Variants in SERPINA4 observed in about 807,000 individuals in gnomAD.
SERPINA4 encodes the protein serpin family A member 4, also known as kallistatin.
Under a neutral mutation model 25.4 loss-of-function variants are expected in SERPINA4, and 24 were observed. The observed-to-expected ratio is 0.95, with a 90% confidence interval of 0.69 to 1.33. The LOEUF (loss-of-function observed/expected upper bound fraction) is 1.33, where lower values mean the gene tolerates loss of function less well. Ranked by LOEUF, SERPINA4 falls within the 40% of genes most tolerant of loss-of-function variation. The pLI is 0.00. For synonymous variants in SERPINA4, 242 were observed against 223.6 expected (o/e 1.08, Z -0.73); for missense variants, 553 against 535.8 (o/e 1.03, Z -0.32).
chr14:94,564,132 G>T lies in SERPINA4; in HGVS notation c.649+1G>T. 6.3e-7 allele frequency: 1 copy of T among 1,599,712 alleles called. No individual in the cohort carries two copies. Among genetic ancestry groups the T allele is most frequent in the Non-Finnish European group, 8.5e-7 (1 of 1,179,734 alleles). ...CTGGTGAATTACATTTACTTCAAAGGTGAGAGTCAGATCATTGGTATATGC... is the reference window on the plus strand; with the variant it reads ...CTGGTGAATTACATTTACTTCAAAGTTGAGAGTCAGATCATTGGTATATGC... On this transcript the variant is annotated splice_donor_variant, in intron 2 of 4. Transcript: ENST00000557004. LOFTEE classifies it high-confidence loss of function.
chr14:94,564,223 G>A lies in SERPINA4; in HGVS notation c.649+92G>A, dbSNP rs888023939. ...TGGTTAAATATATTTTTACAAAAAT[G>A]TAAGTAAAAACGTTGTGTCTGATAG... On this transcript the variant is annotated intron_variant, in intron 2 of 4. Coordinates refer to ENST00000557004, the MANE Select transcript of SERPINA4 (RefSeq NM_006215.4). 5 of 1,368,958 alleles carry A rather than the reference G, an allele frequency of 3.7e-6. No homozygotes were observed. In the Admixed American group the frequency reaches 9.1e-5, roughly 25 times the overall value. The allele number at this position is 1,368,958 out of a possible 1,614,324, so 84.8% of individuals were successfully genotyped here.
chr14:94,567,462 G>A (rs1041908181), intron 3 of SERPINA4, among the ~76,000 whole-genome samples: 5 of 152,150 alleles, frequency 3.3e-5, no homozygotes, highest in Admixed American at 2.6e-4. Context: ...CACAGTAGGA[G>A]TTCAGAGTCC....
chr14:94,569,570 A>G lies in SERPINA4; in HGVS notation c.1259A>G (p.Lys420Arg), dbSNP rs760475657. 2.5e-6 allele frequency: 4 copies of G among 1,614,050 alleles called. No homozygotes were observed. In the African/African-American group the frequency reaches 5.3e-5, roughly 22 times the overall value. Residue 420 changes from lysine to arginine, a missense_variant, in exon 5 of 5, where the codon AAG (lysine) becomes AGG (arginine). Transcript: ENST00000557004. ...ACCCAGAGTGTCCTCTTTCTGGGCA[A>G]GGTCGTCGACCCCACGAAACCATAG... ...TSTQSVLFLG[K>R]VVDPTKP
Position 94,563,610 on chromosome 14 carries a change from G to C in SERPINA4, c.128G>C (p.Gly43Ala), listed in dbSNP as rs756743159. The C allele has an allele frequency of 6.2e-7, 1 of 1,613,830 alleles. No individual in the cohort carries two copies. The highest frequency in any genetic ancestry group is 8.5e-7 in the Non-Finnish European group (1 of 1,180,048). ...NSSHQQILET[G>A]EGSPSLKIAP... ...TCCCACCAGCAGATTCTGGAGACAG[G>C]TGAGGGCTCCCCCAGCCTCAAGATA... is the stretch of plus-strand genomic sequence containing the variant. Residue 43 changes from glycine to alanine, a missense_variant, in exon 2 of 5, where the codon GGT becomes GCT. Physicochemically the swap from Gly to Ala is moderately conservative, Grantham distance 60. Coordinates refer to ENST00000557004, the MANE Select transcript of SERPINA4 (RefSeq NM_006215.4).
rs1353702502 is a variant in SERPINA4 at position 94,569,612 on chromosome 14, C to T, written c.*17C>T. The T allele has an allele frequency of 6.8e-6, 11 of 1,612,550 alleles. No individual in the cohort carries two copies. Among genetic ancestry groups the T allele is most frequent in the South Asian group, 1.1e-5 (1 of 91,018 alleles). On this transcript the variant is annotated 3_prime_UTR_variant, in exon 5 of 5. Coordinates refer to ENST00000557004, the MANE Select transcript of SERPINA4 (RefSeq NM_006215.4). ...AAACCATAGCCCTCCCAGGGCTGCT[C>T]ATCTGTTCCAAGCAGGAGGATGTGG...
chr14:94,564,233 A>C, intron 2 of SERPINA4, 102 bp downstream of exon 2: 1 of 1,264,296 alleles, frequency 7.9e-7, no homozygotes, highest in Non-Finnish European at 1.1e-6. Context: ...GTAAGTAAAA[A>C]CGTTGTGTCT....
chr14:94,561,655 G>T, intron 1 of SERPINA4, 161 bp downstream of exon 1: 1 of 1,287,872 alleles, frequency 7.8e-7, no homozygotes, highest in East Asian at 5.6e-5. Context: ...CTTGCTAGAG[G>T]TGAGAAATAC....
rs746133292 is a variant in SERPINA4 at position 94,569,598 on chromosome 14, C to A, written c.*3C>A. 5 of 1,614,114 alleles carry A rather than the reference C, an allele frequency of 3.1e-6. No individual in the cohort carries two copies. The Admixed American group carries it at 6.7e-5, about 22-fold the overall frequency. On this transcript the variant is annotated 3_prime_UTR_variant, in exon 5 of 5. Transcript: ENST00000557004. ...TCGTCGACCCCACGAAACCATAGCC[C>A]TCCCAGGGCTGCTCATCTGTTCCAA... is the stretch of plus-strand genomic sequence containing the variant.
Position 94,564,035 on chromosome 14 carries a change from C to A in SERPINA4, c.553C>A (p.His185Asn). Residue 185 changes from histidine to asparagine, a missense_variant, in exon 2 of 5, where the codon CAC becomes AAC. Coordinates refer to ENST00000557004, the MANE Select transcript of SERPINA4 (RefSeq NM_006215.4). ...GGGCACAATCCAGCTTATCAACGAC[C>A]ACGTCAAGAAGGAAACTCGAGGGAA... ...TVGTIQLIND[H>N]VKKETRGKIV... 1 of 1,612,746 alleles carries A rather than the reference C, an allele frequency of 6.2e-7. No individual in the cohort carries two copies. The highest frequency in any genetic ancestry group is 2.2e-5 in the East Asian group (1 of 44,882).
rs778054286 is a variant in SERPINA4 at position 94,569,537 on chromosome 14, C to T, written c.1226C>T (p.Ser409Phe). The T allele has an allele frequency of 5.6e-6, 9 of 1,614,184 alleles. No homozygotes were observed. The highest frequency in any genetic ancestry group is 2.2e-5 in the South Asian group (2 of 91,082). ...FNRPFLVVIFSTSTQSVLFLG... is the reference protein window; with the variant it reads ...FNRPFLVVIFFTSTQSVLFLG... ...CGGCCCTTCCTTGTGGTGATCTTTTCCACCAGCACCCAGAGTGTCCTCTTT... is the reference window on the plus strand; with the variant it reads ...CGGCCCTTCCTTGTGGTGATCTTTTTCACCAGCACCCAGAGTGTCCTCTTT... Residue 409 changes from serine (S) to phenylalanine (F), a missense_variant, in exon 5 of 5, where the codon TCC becomes TTC. By Grantham distance (155) the Ser-to-Phe change is radical. Coordinates refer to ENST00000557004, the MANE Select transcript of SERPINA4 (RefSeq NM_006215.4).
intron 1 of SERPINA4, 26 bp from the exon 2 acceptor site, chr14:94,563,440 C>T: frequency 6.4e-7 from 1 of 1,569,708 alleles, no homozygotes; most frequent in Non-Finnish European, 8.7e-7. Context: ...GGGGGAATTT[C>T]CTGGGCATTC....
At chr14:94,564,293 T>C (rs975022062) in intron 2 of SERPINA4, among the ~76,000 whole-genome samples, 162 bp downstream of exon 2, 4 of 152,236 alleles carry the variant, frequency 2.6e-5, no homozygotes, top group African/African-American at 9.6e-5. Flanking sequence ...TGTTGTATGT[T>C]GAAGACTCTG....
In SERPINA4 at chr14:94,563,758, G is replaced by C. The variant is rs982432473; in HGVS notation, c.276G>C (p.Gly92=). The part of the protein sequence containing the change: ...ISAAYAMLSL[G]ACSHSRSQIL... The stretch of plus-strand genomic sequence containing the variant: ...CGGCCTACGCCATGCTTTCCCTGGG[G>C]GCCTGCTCACACAGCCGCAGCCAGA... Residue 92 remains glycine (G), a synonymous_variant, in exon 2 of 5, where the codon GGG becomes GGC. Transcript: ENST00000557004. 2 of 1,613,966 alleles carry C rather than the reference G, an allele frequency of 1.2e-6. No individual in the cohort carries two copies. Among genetic ancestry groups the C allele is most frequent in the African/African-American group, 2.7e-5 (2 of 74,928 alleles).
At chr14:94,568,867 C>CAAAAA (rs33940669) in intron 4 of SERPINA4, among the ~76,000 whole-genome samples, 1 of 81,230 alleles carries the variant, frequency 1.2e-5, no homozygotes, top group African/African-American at 4.3e-5. Flanking sequence ...GACTCCATCT[C>CAAAAA]AAAAAAAAAA....
intron 1 of SERPINA4, 177 bp downstream of exon 1, chr14:94,561,671 C>G (rs1367206064): frequency 7.8e-7 from 1 of 1,288,792 alleles, no homozygotes; most frequent in Non-Finnish European, 1.0e-6. Flanking sequence ...AATACTCAGG[C>G]TAGAAAGGCC....
rs1454621473 is a variant in SERPINA4 at position 94,563,129 on chromosome 14, G to GT, written c.-17-336dup. 2.2e-4 allele frequency among the ~76,000 whole-genome samples: 34 copies of GT among 152,318 alleles called. No individual in the cohort carries two copies. The South Asian group carries it at 6.6e-3, about 30-fold the overall frequency. On this transcript the variant is annotated intron_variant, in intron 1 of 4. Coordinates refer to ENST00000557004, the MANE Select transcript of SERPINA4 (RefSeq NM_006215.4). Reference sequence around the variant, plus strand: ...GGGTTCTGGCTGGGATATGTGCTAGGTAGGTGACTTGGGTGAGTCACTTTG... The same window carrying GT: ...GGGTTCTGGCTGGGATATGTGCTAGGTTAGGTGACTTGGGTGAGTCACTTTG...
chr14:94,563,719 G>A lies in SERPINA4; in HGVS notation c.237G>A (p.Pro79=), dbSNP rs758603029. ...CGGGGAAGAACATCTTTTTCTCCCC[G>A]CTGAGCATCTCGGCGGCCTACGCCA... The part of the protein sequence containing the change: ...ETPGKNIFFS[P]LSISAAYAML... Residue 79 remains proline (P), a synonymous_variant, in exon 2 of 5, where the codon CCG becomes CCA. Transcript: ENST00000557004. 5 of 1,613,878 alleles carry A rather than the reference G, an allele frequency of 3.1e-6. No individual in the cohort carries two copies. The highest frequency in any genetic ancestry group is 1.6e-4 in the Middle Eastern group (1 of 6,062).
chr14:94,565,968 C>A (rs1317916364), intron 2 of SERPINA4, among the ~76,000 whole-genome samples: 1 of 152,186 alleles, frequency 6.6e-6, no homozygotes, highest in Non-Finnish European at 1.5e-5. Context: ...TGGTTAGAAT[C>A]CCAGATCCCT....
At chr14:94,565,371 T>C (rs1902171150) in intron 2 of SERPINA4, among the ~76,000 whole-genome samples, 1 of 152,170 alleles carries the variant, frequency 6.6e-6, no homozygotes, top group Non-Finnish European at 1.5e-5. Context: ...CATATCTGAC[T>C]ACCAGGGCCT....
Sources: allele counts gnomAD v4.1 joint callset (sites outside exome capture counted in the v4.1 genomes callset), GRCh38; gene constraint gnomAD v4.1.1; transcripts MANE v1.5; gene names NCBI Gene and HGNC (gene_info 2026-07-23, HGNC 2026-07-21).